EEF2K: variants seen among roughly 807,000 people sequenced by gnomAD.
EEF2K encodes eukaryotic elongation factor 2 kinase, also known as alternative protein EEF2K.
In EEF2K, 70 loss-of-function variants were observed where a neutral mutation model predicts 93.8. The ratio of observed to expected loss-of-function variants is 0.75; its 90% CI spans 0.62 to 0.91. EEF2K has a LOEUF of 0.91. Ranked by LOEUF, EEF2K falls within the 40% of genes least tolerant of loss-of-function variation. The pLI is 0.00. For missense variants in EEF2K, 935 were observed against 972.9 expected (o/e 0.96, Z 0.52); for synonymous variants, 376 against 380.8 (o/e 0.99, Z 0.15).
At chr16:22,245,739 C>T (rs2047282406) in intron 3 of EEF2K, among the ~76,000 whole-genome samples, 1 of 152,064 alleles carries the variant, frequency 6.6e-6, no homozygotes, top group African/African-American at 2.4e-5. Context: ...TTCCCTGAAC[C>T]CTCTCCAAGC....
At chr16:22,209,153 T>C (rs1485964962) in intron 1 of EEF2K, among the ~76,000 whole-genome samples, 1 of 152,078 alleles carries the variant, frequency 6.6e-6, no homozygotes, top group Non-Finnish European at 1.5e-5. Flanking sequence ...CTCAGCCTCT[T>C]GAGTATGAGC....
At chr16:22,282,617 CT>C (rs1309874698) in intron 17 of EEF2K, among the ~76,000 whole-genome samples, 1 of 152,242 alleles carries the variant, frequency 6.6e-6, no homozygotes, top group Non-Finnish European at 1.5e-5. Flanking sequence ...TTGGCCCCCT[CT>C]TGCTCGCTTG....
At chr16:22,212,322 CTCTT>C (rs763295852) in intron 1 of EEF2K, among the ~76,000 whole-genome samples, 4 of 151,718 alleles carry the variant, frequency 2.6e-5, no homozygotes, top group African/African-American at 7.3e-5. Context: ...ATTTCTCTGT[CTCTT>C]TCTTTTTTTT....
At chr16:22,267,523 A>G (rs1234062139) in intron 15 of EEF2K, among the ~76,000 whole-genome samples, 1 of 151,774 alleles carries the variant, frequency 6.6e-6, no homozygotes, top group Admixed American at 6.6e-5. Context: ...TGAACCTGGG[A>G]GACAGAGGTT....
At chr16:22,229,641 C>T (rs1384566033) in intron 2 of EEF2K, among the ~76,000 whole-genome samples, 1 of 152,060 alleles carries the variant, frequency 6.6e-6, no homozygotes, top group Non-Finnish European at 1.5e-5. Flanking sequence ...GCGGAGGTTG[C>T]AGTGAGCCAA....
intron 2 of EEF2K, among the ~76,000 whole-genome samples, chr16:22,237,992 T>C (rs1256887981): frequency 6.6e-6 from 1 of 151,906 alleles, no homozygotes; most frequent in African/African-American, 2.4e-5. Context: ...AAACAATAGG[T>C]CTTAGAAATT....
At chr16:22,243,376 C>T (rs886095115) in intron 2 of EEF2K, among the ~76,000 whole-genome samples, 3 of 151,480 alleles carry the variant, frequency 2.0e-5, no homozygotes, top group African/African-American at 7.3e-5. Flanking sequence ...CTCAGCCTCC[C>T]AAGTAGCTGG....
chr16:22,281,477 A>C (rs1056105546), intron 17 of EEF2K, among the ~76,000 whole-genome samples: 1 of 152,196 alleles, frequency 6.6e-6, no homozygotes, highest in African/African-American at 2.4e-5. Context: ...CCTAGCCTCA[A>C]GCAATCTGCT....
chr16:22,233,206 C>T (rs2047133459), intron 2 of EEF2K, among the ~76,000 whole-genome samples: 1 of 152,150 alleles, frequency 6.6e-6, no homozygotes, highest in Non-Finnish European at 1.5e-5. Flanking sequence ...CGCACGTACA[C>T]ATACAGCCAA....
In EEF2K at chr16:22,206,501, C is replaced by G. The variant is rs1364167111; in HGVS notation, c.-255C>G. 6.6e-6 allele frequency: 1 copy of G among 152,444 alleles called. No individual in the cohort carries two copies. Among genetic ancestry groups the G allele is most frequent in the African/African-American group, 2.4e-5 (1 of 41,438 alleles). 9.4% of individuals were successfully genotyped at this position (152,444 alleles called of 1,614,324 possible). ...CGCCCTGGGATCGGTCCATCTACCC[C>G]GCGTGGCCCCAGCTGCTTGCCCGGA... is the stretch of plus-strand genomic sequence containing the variant. On this transcript the variant is annotated 5_prime_UTR_variant, in exon 1 of 18. Transcript: ENST00000263026.
rs2047483807 is a variant in EEF2K at position 22,263,196 on chromosome 16, C to G, written c.1377+9C>G. The G allele has an allele frequency of 6.2e-7, 1 of 1,607,652 alleles. No individual in the cohort carries two copies. The highest frequency in any genetic ancestry group is 1.3e-5 in the African/African-American group (1 of 74,560). On this transcript the variant is annotated intron_variant, in intron 12 of 17. Transcript: ENST00000263026. ...CTGAGCCCCGAGAACATGTAAGGAA[C>G]CCCCAGGAAATGAGACCGGTGTCAC...
chr16:22,240,734 TGTG>T (rs2047213537), intron 2 of EEF2K, among the ~76,000 whole-genome samples: 1 of 152,100 alleles, frequency 6.6e-6, no homozygotes, highest in African/African-American at 2.4e-5. Context: ...CAACAGAACA[TGTG>T]GTGTGGTCCA....
At chr16:22,271,730 A>G (rs780962124) in intron 15 of EEF2K, among the ~76,000 whole-genome samples, 1 of 152,098 alleles carries the variant, frequency 6.6e-6, no homozygotes, top group African/African-American at 2.4e-5. Flanking sequence ...AAAAAATAAT[A>G]TGTGGTATAT....
chr16:22,270,241 C>T (rs1296322608), intron 15 of EEF2K, among the ~76,000 whole-genome samples: 1 of 151,988 alleles, frequency 6.6e-6, no homozygotes, highest in East Asian at 1.9e-4. Context: ...GCCTTGGCTC[C>T]CCGAGTAGCT....
chr16:22,213,396 A>G (rs1012569321), intron 1 of EEF2K, among the ~76,000 whole-genome samples: 2 of 152,068 alleles, frequency 1.3e-5, no homozygotes, highest in African/African-American at 2.4e-5. Flanking sequence ...TTATTTTAGG[A>G]TGTTTGGCAG....
intron 16 of EEF2K, among the ~76,000 whole-genome samples, chr16:22,275,256 TA>T (rs555130190): frequency 2.6e-4 from 39 of 152,260 alleles, no homozygotes; most frequent in African/African-American, 9.4e-4. Context: ...TATTGACTTG[TA>T]AAAGTTCTTT....
chr16:22,247,466 T>C (rs1182833764), intron 3 of EEF2K, among the ~76,000 whole-genome samples: 5 of 151,018 alleles, frequency 3.3e-5, no homozygotes, highest in Admixed American at 3.3e-4. Context: ...AAAAATTCTC[T>C]AACCTTACAT....
At chr16:22,244,862 T>C in intron 3 of EEF2K, 132 bp downstream of exon 3, 6 of 862,514 alleles carry the variant, frequency 7.0e-6, no homozygotes, top group Non-Finnish European at 1.1e-5. Context: ...AATATTGGCA[T>C]GCTAATGCGT....
rs186379502 is a variant in EEF2K, at chr16:22,280,910, A to T, written c.2068+534A>T. On this transcript the variant is annotated intron_variant, in intron 17 of 17. Transcript: ENST00000263026. ...ACTCCTGACCTCAAGTGATCGGCCC[A>T]CCTCGGCCTCCCAAAGTGCTGGATT... Among the ~76,000 whole-genome samples, 71 of 151,426 alleles carry T rather than the reference A, an allele frequency of 4.7e-4. No individual in the cohort carries two copies. In the East Asian group the frequency reaches 0.013, roughly 27 times the overall value.
Sources: allele counts gnomAD v4.1 joint callset (sites outside exome capture counted in the v4.1 genomes callset), GRCh38; gene constraint gnomAD v4.1.1; transcripts MANE v1.5; gene names NCBI Gene and HGNC (gene_info 2026-07-23, HGNC 2026-07-21).